The following IKBKB variants were observed in gnomAD, a reference collection of about 807,000 sequenced individuals.
The protein encoded by IKBKB is inhibitor of nuclear factor kappa-B kinase subunit beta.
A neutral mutation model predicts 113.6 loss-of-function variants in IKBKB; 42 were observed. That is an observed-to-expected ratio of 0.37 (90% CI 0.29 to 0.48). The LOEUF (loss-of-function observed/expected upper bound fraction) is 0.48, where lower values mean the gene tolerates loss of function less well. Among genes scored for constraint, IKBKB ranks in the 20% least tolerant of loss-of-function variants. The pLI, the probability that IKBKB is intolerant of heterozygous loss-of-function variation, is 0.99. For synonymous variants in IKBKB, 296 were observed against 361.3 expected, an observed-to-expected ratio of 0.82 and a Z score of 2.05; for missense variants, 673 against 939.7, an observed-to-expected ratio of 0.72 and a Z score of 3.71.
chr8:42,283,410 A>G (rs1260568756), intron 2 of IKBKB, among the ~76,000 whole-genome samples: 1 of 152,196 alleles, frequency 6.6e-6, no homozygotes, highest in East Asian at 1.9e-4. Flanking sequence ...TTTTCTAATC[A>G]GCTGACCTTA....
chr8:42,322,247 T>C (rs1585797812), intron 18 of IKBKB, 94 bp downstream of exon 18: 2 of 1,567,286 alleles, frequency 1.3e-6, no homozygotes, highest in Non-Finnish European at 8.8e-7. Context: ...CTGGACCTCA[T>C]GAAGAGAGTT....
At position 42,316,977 on chromosome 8, in the gene IKBKB, G is replaced by T; in HGVS notation, c.1125+73G>T. ...TCCTGGGAAACTCAACACACTTTCAGATTTCAATTCTGCTTTGTCATGTAG... is the reference window on the plus strand; with the variant it reads ...TCCTGGGAAACTCAACACACTTTCATATTTCAATTCTGCTTTGTCATGTAG... On this transcript the variant is annotated intron_variant, in intron 11 of 21. Coordinates refer to ENST00000520810, the MANE Select transcript of IKBKB (RefSeq NM_001556.3). The surrounding 1 kb of genome is among the most constrained non-coding windows in gnomAD (Gnocchi z 4.5). 7.3e-7 allele frequency: 1 copy of T among 1,375,720 alleles called. No homozygotes were observed. The highest frequency in any genetic ancestry group is 1.4e-5 in the African/African-American group (1 of 70,106). 85.2% of individuals were successfully genotyped at this position (1,375,720 alleles called of 1,614,324 possible). A position where few individuals can be genotyped will look rare whatever the true frequency, so the allele number is the denominator to read the frequency against.
rs1436468534 is a variant in IKBKB at position 42,293,479 on chromosome 8, G to A, written c.355G>A (p.Glu119Lys). 5.0e-6 allele frequency: 8 copies of A among 1,614,024 alleles called. No individual in the cohort carries two copies. The South Asian group carries it at 8.8e-5, about 18-fold the overall frequency. The change falls in exon 5 of 22, where the codon GAA (glutamate) becomes AAA (lysine). Residue 119 changes from glutamate (E) to lysine (K), a missense_variant. Around this residue, in one of 2 missense-constraint regions of IKBKB, gnomAD observed 167 missense variants for 301.0 expected, o/e 0.55. Transcript: ENST00000520810. ...GTTTGAGAACTGCTGTGGTCTGCGGGAAGGTGCCATCCTCACCTTGCTGAG... is the reference window on the plus strand; with the variant it reads ...GTTTGAGAACTGCTGTGGTCTGCGGAAAGGTGCCATCCTCACCTTGCTGAG... Reference protein sequence around the residue: ...NQFENCCGLREGAILTLLSDI... With the variant: ...NQFENCCGLRKGAILTLLSDI...
chr8:42,308,024 C>T (rs1487250435), intron 7 of IKBKB, among the ~76,000 whole-genome samples: 1 of 152,248 alleles, frequency 6.6e-6, no homozygotes, highest in Non-Finnish European at 1.5e-5. Context: ...CCCCAGCGCT[C>T]TCTGCCTCAG....
At chr8:42,319,554 G>A (rs773573259) in intron 14 of IKBKB, 31 bp from the exon 15 acceptor site, 1 of 1,581,552 alleles carries the variant, frequency 6.3e-7, no homozygotes, top group Non-Finnish European at 8.6e-7. Context: ...ATTTTGTTTT[G>A]TTTTGTTTTT....
Position 42,303,798 on chromosome 8 carries a change from C to T in IKBKB, c.389-1389C>T, listed in dbSNP as rs556000377. Reference sequence around the variant, plus strand: ...TTGGGATTACAGGCGTGAGCCACCGCGCCCAGCCCCATTTTTCTTCTGCAT... The same window carrying T: ...TTGGGATTACAGGCGTGAGCCACCGTGCCCAGCCCCATTTTTCTTCTGCAT... On this transcript the variant is annotated intron_variant, in intron 5 of 21. Transcript: ENST00000520810. 7.9e-5 allele frequency among the ~76,000 whole-genome samples: 12 copies of T among 152,280 alleles called. No individual in the cohort carries two copies. In the East Asian group the frequency reaches 9.6e-4, roughly 12 times the overall value.
At chr8:42,285,482 G>C (rs1018936164) in intron 2 of IKBKB, among the ~76,000 whole-genome samples, 14 of 152,110 alleles carry the variant, frequency 9.2e-5, no homozygotes, top group African/African-American at 3.1e-4. Flanking sequence ...TTGAGCCCAG[G>C]AGTTTTAGGC....
intron 5 of IKBKB, 150 bp from the exon 6 acceptor site, chr8:42,305,037 A>G (rs558157016): frequency 1.6e-6 from 1 of 622,484 alleles, no homozygotes; most frequent in South Asian, 2.0e-5. Flanking sequence ...AGCCTCACGT[A>G]GCAGGGCCCC....
intron 2 of IKBKB, among the ~76,000 whole-genome samples, chr8:42,274,055 G>A (rs1808395041): frequency 1.3e-5 from 2 of 151,866 alleles, no homozygotes; most frequent in Admixed American, 6.6e-5. Context: ...TCCGGAGACA[G>A]AGTCTCGCAC....
intron 20 of IKBKB, 64 bp from the exon 21 acceptor site, chr8:42,329,060 A>G: frequency 8.1e-7 from 1 of 1,233,402 alleles, no homozygotes. Context: ...ATATTTTAAA[A>G]TAGCAGTGTT....
intron 5 of IKBKB, among the ~76,000 whole-genome samples, chr8:42,302,164 G>A (rs193169605): frequency 7.5e-4 from 114 of 152,282 alleles, no homozygotes; most frequent in Non-Finnish European, 3.1e-4. Flanking sequence ...GGCTGTGTTA[G>A]TGCAGCTATT....
chr8:42,310,464 A>C (rs766529491), intron 8 of IKBKB, among the ~76,000 whole-genome samples: 9 of 152,136 alleles, frequency 5.9e-5, no homozygotes, highest in Non-Finnish European at 1.2e-4. Context: ...TTGTACATTG[A>C]TGTTTCCCCT....
At position 42,331,075 on chromosome 8, in the gene IKBKB, G is replaced by C; in HGVS notation, c.*96G>C. On this transcript the variant is annotated 3_prime_UTR_variant, in exon 22 of 22. Coordinates refer to ENST00000520810, the MANE Select transcript of IKBKB (RefSeq NM_001556.3). ...CCTGACATGGGGCTGCCTGGAGCAG[G>C]CCGCGTGACGTGGGGCTGCCTGGCC... The C allele has an allele frequency of 1.9e-6, 3 of 1,576,664 alleles. No individual in the cohort carries two copies. The South Asian group carries it at 3.3e-5, about 18-fold the overall frequency.
intron 3 of IKBKB, among the ~76,000 whole-genome samples, chr8:42,289,202 G>A (rs539473501): frequency 4.6e-5 from 7 of 152,232 alleles, no homozygotes; most frequent in Admixed American, 1.3e-4. Flanking sequence ...GCAACAGAGC[G>A]AGACTCCGTC....
At chr8:42,306,195 T>C in intron 6 of IKBKB, 148 bp from the exon 7 acceptor site, 1 of 578,588 alleles carries the variant, frequency 1.7e-6, no homozygotes, top group Non-Finnish European at 3.2e-6. Flanking sequence ...GGGCATTCTT[T>C]TGTGTATCTG....
At chr8:42,291,842 G>A (rs966226944) in intron 4 of IKBKB, among the ~76,000 whole-genome samples, 1 of 152,176 alleles carries the variant, frequency 6.6e-6, no homozygotes, top group Non-Finnish European at 1.5e-5. Context: ...TGGGGTGGGA[G>A]GATGGCTTAA....
chr8:42,315,465 C>G (rs1035499603), intron 9 of IKBKB, among the ~76,000 whole-genome samples: 8 of 152,084 alleles, frequency 5.3e-5, no homozygotes, highest in Admixed American at 5.2e-4. Context: ...TGGTGAGTAG[C>G]TGTGTTGGCC....
At chr8:42,288,787 C>T (rs1250092629) in intron 3 of IKBKB, 59 bp downstream of exon 3, 1 of 1,384,546 alleles carries the variant, frequency 7.2e-7, no homozygotes, top group African/African-American at 1.4e-5. Context: ...CCCGGTGTGT[C>T]TAGAAAGGAG....
At chr8:42,301,338 T>C (rs2130468540) in intron 5 of IKBKB, among the ~76,000 whole-genome samples, 1 of 152,360 alleles carries the variant, frequency 6.6e-6, no homozygotes, top group African/African-American at 2.4e-5. Context: ...AACTTCCAGA[T>C]TCAACAGTAT....
Sources: allele counts gnomAD v4.1 joint callset (sites outside exome capture counted in the v4.1 genomes callset), GRCh38; gene constraint gnomAD v4.1.1; regional missense constraint gnomAD v4.1.1; non-coding constraint Gnocchi (gnomAD v3.1); transcripts MANE v1.5; gene names NCBI Gene and HGNC (gene_info 2026-07-23, HGNC 2026-07-21).